Variants in PCDH11X observed in about 807,000 individuals in gnomAD.
The protein encoded by PCDH11X is protocadherin-11 X-linked.
A neutral mutation model predicts 53.3 loss-of-function variants in PCDH11X; 18 were observed. The observed-to-expected ratio is 0.34, with a 90% CI of 0.23 to 0.50. The LOEUF is 0.50. Ranked by LOEUF, PCDH11X falls within the 20% of genes least tolerant of loss-of-function variation. The pLI is 0.98. For missense variants in PCDH11X, 570 were observed against 1,032.4 expected (o/e 0.55, Z 6.14); for synonymous variants, 279 against 393.3 (o/e 0.71, Z 3.44).
chrX:92,342,356 G>A (rs2069784262), intron 8 of PCDH11X, among the ~76,000 whole-genome samples: 1 of 109,372 alleles, frequency 9.1e-6, no homozygotes, highest in Non-Finnish European at 1.9e-5. Context: ...ACTGAGTATA[G>A]ACCCAAAGGA....
intron 5 of PCDH11X, among the ~76,000 whole-genome samples, chrX:91,844,491 A>C (rs1937585022): frequency 1.8e-5 from 2 of 108,543 alleles, no homozygotes; most frequent in Admixed American, 2.0e-4. Context: ...CATCTCATTC[A>C]TATGCCCTTA....
At chrX:91,932,549 A>T (rs1468099950) in intron 6 of PCDH11X, among the ~76,000 whole-genome samples, 2 of 100,351 alleles carry the variant, frequency 2.0e-5, no homozygotes, top group African/African-American at 7.3e-5. Context: ...AGAGAGGCAA[A>T]CAGAGTCAGT....
At chrX:91,970,794 A>G (rs2061948284) in intron 6 of PCDH11X, among the ~76,000 whole-genome samples, 1 of 111,855 alleles carries the variant, frequency 8.9e-6, no homozygotes, top group African/African-American at 3.2e-5. Flanking sequence ...TCCGCATCTA[A>G]AAATTAAGAT....
At chrX:91,936,060 A>C (rs1433770027) in intron 6 of PCDH11X, among the ~76,000 whole-genome samples, 77 of 103,495 alleles carry the variant, frequency 7.4e-4, no homozygotes, top group Middle Eastern at 4.9e-3. Flanking sequence ...CCCAACACCC[A>C]CTTGCCATAA....
chrX:92,200,203 G>A (rs1290433293), intron 6 of PCDH11X, among the ~76,000 whole-genome samples: 1 of 110,702 alleles, frequency 9.0e-6, no homozygotes, highest in African/African-American at 3.3e-5. Context: ...TCAGGGAAAT[G>A]CAAATAAGAA....
chrX:91,839,789 TAA>T (rs990801719), intron 5 of PCDH11X, among the ~76,000 whole-genome samples: 1 of 111,224 alleles, frequency 9.0e-6, no homozygotes, highest in Non-Finnish European at 1.9e-5. Flanking sequence ...AAATCATCTA[TAA>T]GAGTTCTTGA....
intron 7 of PCDH11X, among the ~76,000 whole-genome samples, chrX:92,260,760 C>A (rs962058557): frequency 2.7e-5 from 3 of 111,540 alleles, no homozygotes; most frequent in South Asian, 7.5e-4. Context: ...CTCTGTCAAT[C>A]TAGAAATTTA....
At chrX:92,408,299 T>C (rs765647445) in intron 9 of PCDH11X, among the ~76,000 whole-genome samples, 230 of 109,887 alleles carry the variant, frequency 2.1e-3, no homozygotes, top group East Asian at 8.9e-3. Context: ...TAACATGTGT[T>C]TATCAGAATA....
At position 92,244,875 on chromosome X, in the gene PCDH11X, G is replaced by C. The variant is rs12556999; in HGVS notation, c.3115-18239G>C. Among the ~76,000 whole-genome samples, 13 of 110,708 alleles carry C rather than the reference G, an allele frequency of 1.2e-4. No individual in the cohort carries two copies. The East Asian group carries it at 3.7e-3, about 32-fold the overall frequency. On this transcript the variant is annotated intron_variant, in intron 7 of 10. Transcript: ENST00000682573. ...TGATTGAGGAAATTCCATAATTAGC[G>C]TTCCCAAAGAAATACAACTCTATCA... is the stretch of plus-strand genomic sequence containing the variant.
At chrX:91,853,288 T>C (rs1012199387) in intron 5 of PCDH11X, among the ~76,000 whole-genome samples, 1 of 111,315 alleles carries the variant, frequency 9.0e-6, no homozygotes, top group African/African-American at 3.3e-5. Context: ...AGTTTTTCAA[T>C]ATTAATTTTG....
chrX:91,910,164 A>T (rs1191567379), intron 6 of PCDH11X, among the ~76,000 whole-genome samples: 1 of 107,338 alleles, frequency 9.3e-6, no homozygotes. Context: ...TATCTGAACT[A>T]ATCTGAAAGG....
intron 10 of PCDH11X, among the ~76,000 whole-genome samples, chrX:92,614,261 G>A (rs963695179): frequency 7.2e-5 from 8 of 110,671 alleles, no homozygotes; most frequent in African/African-American, 2.3e-4. Flanking sequence ...TGAGAATGTT[G>A]GCACTTCTCA....
chrX:92,441,378 C>A (rs1313815783), intron 9 of PCDH11X, among the ~76,000 whole-genome samples: 1 of 111,224 alleles, frequency 9.0e-6, no homozygotes, highest in Non-Finnish European at 1.9e-5. Context: ...TTATGGCAGC[C>A]CCTCCTATCA....
chrX:92,259,749 T>C (rs188525782), intron 7 of PCDH11X, among the ~76,000 whole-genome samples: 3 of 111,811 alleles, frequency 2.7e-5, no homozygotes, highest in African/African-American at 9.8e-5. Flanking sequence ...AGGTCCTTGA[T>C]GTAGTACCTG....
intron 10 of PCDH11X, among the ~76,000 whole-genome samples, chrX:92,554,100 C>T (rs2075008413): frequency 9.7e-6 from 1 of 102,735 alleles, no homozygotes; most frequent in South Asian, 4.7e-4. Flanking sequence ...TTCTTCTCAA[C>T]ATTTTTCACC....
intron 6 of PCDH11X, among the ~76,000 whole-genome samples, chrX:92,107,870 T>C (rs745364128): frequency 8.0e-5 from 9 of 112,042 alleles, no homozygotes; most frequent in Non-Finnish European, 1.5e-4. Flanking sequence ...TTAAAATACT[T>C]TACAGAATTT....
At position 92,364,913 on chromosome X, in the gene PCDH11X, A is replaced by C. The variant is rs2755056; in HGVS notation, c.3145-22822A>C. The stretch of plus-strand genomic sequence containing the variant: ...TGGGAAACATAAGAAGACCCTTTCT[A>C]CAAAAAAAAAAAAAAAAAAAAAAAT... On this transcript the variant is annotated intron_variant, in intron 8 of 10. Coordinates refer to ENST00000682573, the MANE Select transcript of PCDH11X (RefSeq NM_032968.5). Among the ~76,000 whole-genome samples the C allele has an allele frequency of 4.9e-4, 11 of 22,652 alleles. No homozygotes were observed. In the Admixed American group the frequency reaches 5.0e-3, roughly 10 times the overall value. 19.7% of individuals were successfully genotyped at this position (22,652 alleles called of 115,157 possible).
intron 8 of PCDH11X, among the ~76,000 whole-genome samples, chrX:92,323,825 G>A (rs2069267516): frequency 9.0e-6 from 1 of 110,700 alleles, no homozygotes; most frequent in East Asian, 2.9e-4. Context: ...TTAAATATCT[G>A]GATTTCTCTC....
At chrX:92,468,542 G>A (rs1258219174) in intron 10 of PCDH11X, among the ~76,000 whole-genome samples, 4 of 107,677 alleles carry the variant, frequency 3.7e-5, no homozygotes, top group Non-Finnish European at 5.8e-5. Context: ...TAAATTGTGT[G>A]TCATCAATCT....
Sources: allele counts gnomAD v4.1 joint callset (sites outside exome capture counted in the v4.1 genomes callset), GRCh38; gene constraint gnomAD v4.1.1; transcripts MANE v1.5; gene names NCBI Gene and HGNC (gene_info 2026-07-23, HGNC 2026-07-21).